Variants in EIF4ENIF1 observed in about 807,000 individuals in gnomAD.
EIF4ENIF1 encodes the protein eukaryotic translation initiation factor 4E nuclear import factor 1.
In EIF4ENIF1, 23 loss-of-function variants were observed where a neutral mutation model predicts 110.5. That is an observed-to-expected ratio of 0.21 (90% CI 0.15 to 0.29). EIF4ENIF1 has a LOEUF of 0.29. Among genes scored for constraint, EIF4ENIF1 ranks in the 10% least tolerant of loss-of-function variants. EIF4ENIF1 has a pLI of 1.00. For missense variants in EIF4ENIF1, 1,031 were observed against 1,221.1 expected, an observed-to-expected ratio of 0.84 and a Z score of 2.32; for synonymous variants, 440 against 437.0, an observed-to-expected ratio of 1.01 and a Z score of -0.09.
chr22:31,455,720 A>AC lies in EIF4ENIF1; in HGVS notation c.1099+131dup. 5 of 1,230,720 alleles carry AC rather than the reference A, an allele frequency of 4.1e-6. No homozygotes were observed. The South Asian group carries it at 7.5e-5, about 19-fold the overall frequency. 76.2% of individuals were successfully genotyped at this position (1,230,720 alleles called of 1,614,324 possible). ...GCCCCTTCAACAATATTAAAAGGAC[A>AC]CAAATTGAAGGCTTTTCAGTTGTCC... On this transcript the variant is annotated intron_variant, in intron 8 of 18. Transcript: ENST00000330125.
At chr22:31,450,817 CACATACATACACACAT>C (rs2050631504) in intron 10 of EIF4ENIF1, 1 of 193,160 alleles carries the variant, frequency 5.2e-6, no homozygotes, top group Admixed American at 5.6e-5. Flanking sequence ...TACATATACA[CACATACATACACACAT>C]ATATATATAC....
At chr22:31,487,793 C>CAAAAA (rs35367724) in intron 2 of EIF4ENIF1, among the ~76,000 whole-genome samples, 4 of 69,008 alleles carry the variant, frequency 5.8e-5, no homozygotes, top group Admixed American at 3.4e-4. Context: ...CTGTCGGGTG[C>CAAAAA]AAAAAAAAAA....
Position 31,471,428 on chromosome 22 carries a change from C to A in EIF4ENIF1, c.170+416G>T, listed in dbSNP as rs531388275. ...CTCCCGAGTTCATGCCATTCTCCTG[C>A]CTCAGCCTCCCGAGTAGCTGGGACT... On this transcript the variant is annotated intron_variant, in intron 3 of 18. Transcript: ENST00000330125. Among the ~76,000 whole-genome samples the A allele has an allele frequency of 7.9e-5, 12 of 152,174 alleles. No individual in the cohort carries two copies. The East Asian group carries it at 2.3e-3, about 30-fold the overall frequency.
chr22:31,468,769 A>G (rs1303302497), intron 3 of EIF4ENIF1, among the ~76,000 whole-genome samples: 1 of 152,226 alleles, frequency 6.6e-6, no homozygotes, highest in African/African-American at 2.4e-5. Flanking sequence ...AAACAAAAAC[A>G]TCTATTAATT....
chr22:31,473,060 G>A (rs951119410), intron 2 of EIF4ENIF1, among the ~76,000 whole-genome samples: 2 of 147,412 alleles, frequency 1.4e-5, no homozygotes, highest in Non-Finnish European at 3.0e-5. Flanking sequence ...ACATATGAGC[G>A]AGCTTTTTTT....
intron 2 of EIF4ENIF1, among the ~76,000 whole-genome samples, chr22:31,477,390 A>AAAAAAAAAAAAAAAAAAAAG (rs1381135932): frequency 7.5e-6 from 1 of 133,654 alleles, no homozygotes; most frequent in African/African-American, 2.8e-5. Flanking sequence ...AAAACAAAAA[A>AAAAAAAAAAAAAAAAAAAAG]AGAGAATTTG....
intron 2 of EIF4ENIF1, 49 bp downstream of exon 2, chr22:31,488,574 A>C: frequency 6.2e-7 from 1 of 1,612,292 alleles, no homozygotes; most frequent in Non-Finnish European, 8.5e-7. Flanking sequence ...CAATGTTACT[A>C]ACTTCGCCAC....
At chr22:31,486,412 C>T (rs902566283) in intron 2 of EIF4ENIF1, among the ~76,000 whole-genome samples, 1 of 147,230 alleles carries the variant, frequency 6.8e-6, no homozygotes, top group Non-Finnish European at 1.5e-5. Context: ...TGCAGTGAGC[C>T]GAGATTGCAC....
At chr22:31,491,064 A>G (rs6518749), upstream of EIF4ENIF1, among the ~76,000 whole-genome samples, 7 of 152,306 alleles carry the variant, frequency 4.6e-5, no homozygotes, top group African/African-American at 1.4e-4. Flanking sequence ...ACACTTGCAC[A>G]TCAGGCCTGA....
intron 9 of EIF4ENIF1, 154 bp from the exon 10 acceptor site, chr22:31,454,530 C>G: frequency 3.0e-6 from 2 of 658,406 alleles, no homozygotes; most frequent in South Asian, 3.9e-5. Flanking sequence ...ACTAATAACA[C>G]TTAAAATCAA....
Position 31,471,888 on chromosome 22 carries a change from G to T in EIF4ENIF1, c.126C>A (p.Pro42=). The T allele has an allele frequency of 1.2e-6, 2 of 1,605,196 alleles. No individual in the cohort carries two copies. Among genetic ancestry groups the T allele is most frequent in the Non-Finnish European group, 1.7e-6 (2 of 1,177,664 alleles). ...GGCATGAAGGCCTCTGTTTGGAATG[G>T]GGGAGTTCTTTTATATCCAAGAGTT... ...KEELLDIKEL[P]HSKQRPSCLS... The change falls in exon 3 of 19, where the codon CCC becomes CCA. Residue 42 remains proline, a synonymous_variant. Transcript: ENST00000330125.
chr22:31,477,852 G>C (rs572738594), intron 2 of EIF4ENIF1, among the ~76,000 whole-genome samples: 1 of 152,286 alleles, frequency 6.6e-6, no homozygotes, highest in East Asian at 1.9e-4. Context: ...TAGGTAAACA[G>C]TATTTACTGT....
intron 1 of EIF4ENIF1, 42 bp downstream of exon 1, chr22:31,489,652 C>T (rs1205764852): frequency 6.7e-6 from 1 of 148,568 alleles, no homozygotes; most frequent in Non-Finnish European, 1.5e-5. Flanking sequence ...GCACCGGGCG[C>T]GCGGTGCCCC....
At chr22:31,488,846 G>C in intron 1 of EIF4ENIF1, 101 bp from the exon 2 acceptor site, 1 of 1,371,240 alleles carries the variant, frequency 7.3e-7, no homozygotes, top group East Asian at 2.5e-5. Context: ...TCTCAAAACA[G>C]CTAGTGTTAA....
intron 1 of EIF4ENIF1, 90 bp from the exon 2 acceptor site, chr22:31,488,835 C>A: frequency 7.1e-7 from 1 of 1,417,834 alleles, no homozygotes; most frequent in South Asian, 1.5e-5. Context: ...ACTTTTTAAT[C>A]TCTCAAAACA....
chr22:31,451,302 T>TC (rs1174925513), intron 10 of EIF4ENIF1: 1 of 152,168 alleles, frequency 6.6e-6, no homozygotes, highest in Non-Finnish European at 1.5e-5. Context: ...TGAGACAGAG[T>TC]CTTGCTCTGT....
intron 2 of EIF4ENIF1, among the ~76,000 whole-genome samples, chr22:31,475,671 T>C (rs1383618027): frequency 6.6e-6 from 1 of 150,412 alleles, no homozygotes; most frequent in African/African-American, 2.5e-5. Flanking sequence ...TGCAGTGATC[T>C]GAGTTCGCGC....
intron 2 of EIF4ENIF1, among the ~76,000 whole-genome samples, chr22:31,474,609 A>G (rs2051506831): frequency 6.6e-6 from 1 of 152,012 alleles, no homozygotes; most frequent in African/African-American, 2.4e-5. Flanking sequence ...GGAATTGCAT[A>G]AAACACCAAG....
At chr22:31,444,789 C>T in intron 14 of EIF4ENIF1, 99 bp from the exon 15 acceptor site, 1 of 1,110,452 alleles carries the variant, frequency 9.0e-7, no homozygotes, top group East Asian at 2.4e-5. Context: ...TTTAACATCC[C>T]CTTTCCCTTA....
Sources: gnomAD v4.1 joint callset for allele counts (sites outside exome capture counted in the v4.1 genomes callset) on GRCh38, gnomAD v4.1.1 for gene constraint, MANE v1.5 for transcripts, NCBI Gene and HGNC (gene_info 2026-07-23, HGNC 2026-07-21) for gene names.